Variants in SORBS2 observed in about 807,000 individuals in gnomAD.
The protein encoded by SORBS2 is sorbin and SH3 domain containing 2.
Under a neutral mutation model 97.7 loss-of-function variants are expected in SORBS2, and 46 were observed. That is an observed-to-expected ratio of 0.47 (90% CI 0.37 to 0.60). The LOEUF is 0.60. Ranked by LOEUF, SORBS2 falls within the 20% of genes least tolerant of loss-of-function variation. SORBS2 has a pLI of 0.00. For synonymous variants in SORBS2, 476 were observed against 473.4 expected (o/e 1.01, Z -0.07); for missense variants, 1,316 against 1,282.3 (o/e 1.03, Z -0.40).
intron 2 of SORBS2, among the ~76,000 whole-genome samples, chr4:185,760,694 G>T (rs930948323): frequency 2.0e-5 from 3 of 152,324 alleles, no homozygotes; most frequent in East Asian, 1.9e-4. Context: ...CCACAAAAAA[G>T]CTCGGCTGCC....
Position 185,925,695 on chromosome 4 carries a change from G to A in SORBS2, c.-338+30501C>T, listed in dbSNP as rs191040668. 2.8e-4 allele frequency among the ~76,000 whole-genome samples: 43 copies of A among 152,220 alleles called. No homozygotes were observed. The East Asian group carries it at 7.5e-3, about 27-fold the overall frequency. ...CAACTGTCAGCATCTGCACTGTATC[G>A]GTAGGCATGGGGGAGGTGGCTGGAG... On this transcript the variant is annotated intron_variant, in intron 1 of 20. Coordinates refer to the SORBS2 transcript ENST00000284776.
intron 1 of SORBS2, among the ~76,000 whole-genome samples, chr4:185,850,757 T>C (rs1448999283): frequency 6.6e-6 from 1 of 152,210 alleles, no homozygotes; most frequent in Non-Finnish European, 1.5e-5. Flanking sequence ...CCCAGATAGC[T>C]GGTGAAACGT....
chr4:185,735,478 G>A (rs2098678334), intron 2 of SORBS2, among the ~76,000 whole-genome samples: 1 of 150,738 alleles, frequency 6.6e-6, no homozygotes, highest in South Asian at 2.1e-4. Flanking sequence ...GAAAACAAAG[G>A]GAAAAAAGGG....
At chr4:185,806,480 C>G (rs866038304) in intron 1 of SORBS2, among the ~76,000 whole-genome samples, 1 of 103,428 alleles carries the variant, frequency 9.7e-6, no homozygotes, top group Non-Finnish European at 1.7e-5. Flanking sequence ...TTTTTTGAGA[C>G]GGAGTCTCGC....
chr4:185,886,989 G>A (rs1190102256), intron 1 of SORBS2, among the ~76,000 whole-genome samples: 1 of 152,198 alleles, frequency 6.6e-6, no homozygotes, highest in Non-Finnish European at 1.5e-5. Context: ...TGGCCAAAGA[G>A]GAAGGACCTT....
intron 1 of SORBS2, among the ~76,000 whole-genome samples, chr4:185,883,863 T>C (rs1313902303): frequency 6.6e-6 from 1 of 152,172 alleles, no homozygotes; most frequent in Non-Finnish European, 1.5e-5. Context: ...ATAATTTTTT[T>C]AACTAACAAA....
chr4:185,608,341 C>T (rs1580843860), intron 12 of SORBS2, among the ~76,000 whole-genome samples: 1 of 152,276 alleles, frequency 6.6e-6, no homozygotes, highest in Non-Finnish European at 1.5e-5. Context: ...GCTTACATAA[C>T]TACGGCTTCA....
chr4:185,744,598 G>A (rs1185426809), intron 2 of SORBS2, among the ~76,000 whole-genome samples: 1 of 152,230 alleles, frequency 6.6e-6, no homozygotes, highest in East Asian at 1.9e-4. Flanking sequence ...CAGGCAGGTG[G>A]TGGCACTAAT....
intron 2 of SORBS2, among the ~76,000 whole-genome samples, chr4:185,695,211 T>A (rs2098159631): frequency 6.6e-6 from 1 of 152,152 alleles, no homozygotes; most frequent in Non-Finnish European, 1.5e-5. Context: ...TTATCAGGCA[T>A]CCCATTCTGA....
At position 185,630,432 on chromosome 4, in the gene SORBS2, A is replaced by G. The variant is rs113394992; in HGVS notation, c.446+117T>C. The G allele has an allele frequency of 9.5e-4, 497 of 521,622 alleles. 2 individuals are homozygous for G. The highest frequency in any genetic ancestry group is 7.7e-3 in the African/African-American group (389 of 50,566). The allele number at this position is 521,622 out of a possible 1,614,324, so 32.3% of individuals were successfully genotyped here. A position where few individuals can be genotyped will look rare whatever the true frequency, so the allele number is the denominator to read the frequency against. On this transcript the variant is annotated intron_variant, in intron 5 of 14. Transcript: ENST00000418609. ...ATAAAACAACTTCATGAGGCATGGT[A>G]CTTCAAATAAAAATGAGTGATACAT... is the stretch of plus-strand genomic sequence containing the variant.
At chr4:185,717,037 T>G (rs2098470957) in intron 2 of SORBS2, among the ~76,000 whole-genome samples, 1 of 152,254 alleles carries the variant, frequency 6.6e-6, no homozygotes, top group African/African-American at 2.4e-5. Context: ...TCCATAAAAC[T>G]GTCCGAGCTT....
chr4:185,651,932 G>A (rs747250912), intron 2 of SORBS2, 104 bp from the exon 11 acceptor site: 14 of 697,818 alleles, frequency 2.0e-5, no homozygotes, highest in Admixed American at 2.5e-5. Context: ...GAAAAGCAAC[G>A]TATTTTTCCT....
chr4:185,739,211 T>C (rs2098707378), intron 2 of SORBS2, among the ~76,000 whole-genome samples: 1 of 152,256 alleles, frequency 6.6e-6, no homozygotes, highest in African/African-American at 2.4e-5. Flanking sequence ...CCAGTTAAAA[T>C]GTTAATTACA....
rs1444870755 is a variant in SORBS2, at chr4:185,794,048, C to CA, written c.-337-18683dup. 3.3e-5 allele frequency among the ~76,000 whole-genome samples: 5 copies of CA among 152,012 alleles called. No individual in the cohort carries two copies. The East Asian group carries it at 7.7e-4, about 23-fold the overall frequency. ...AGGCACATACAAAGGGAAAGTCTGT[C>CA]AAAAAGCATTTGTTTTACTTTCTTT... On this transcript the variant is annotated intron_variant, in intron 1 of 20. Transcript: ENST00000284776.
At chr4:185,659,834 A>G (rs2097486588), upstream of SORBS2, among the ~76,000 whole-genome samples, 1 of 152,206 alleles carries the variant, frequency 6.6e-6, no homozygotes, top group South Asian at 2.1e-4. Context: ...TTAGCGACGA[A>G]TGTTTTTTGA....
At chr4:185,754,862 C>T (rs1408779996) in intron 2 of SORBS2, among the ~76,000 whole-genome samples, 6 of 152,198 alleles carry the variant, frequency 3.9e-5, no homozygotes, top group Non-Finnish European at 7.3e-5. Flanking sequence ...TGAGGCAGAC[C>T]TGGAAGGGCA....
chr4:185,925,596 C>T (rs764202397), intron 1 of SORBS2, among the ~76,000 whole-genome samples: 27 of 152,138 alleles, frequency 1.8e-4, no homozygotes, highest in Non-Finnish European at 3.5e-4. Flanking sequence ...TAAAAAGATA[C>T]ATTTTGGAAA....
upstream of SORBS2, among the ~76,000 whole-genome samples, chr4:185,658,907 C>T (rs1205783736): frequency 3.3e-5 from 5 of 151,860 alleles, no homozygotes; most frequent in Non-Finnish European, 7.4e-5. Flanking sequence ...GGGGTTTCAC[C>T]ATGCTAGCTA....
chr4:185,818,211 A>G (rs1352770076), intron 1 of SORBS2, among the ~76,000 whole-genome samples: 3 of 152,164 alleles, frequency 2.0e-5, no homozygotes, highest in Non-Finnish European at 4.4e-5. Context: ...TGTTTTTGAG[A>G]TGGAGTCTCG....
Sources: gnomAD v4.1 joint callset for allele counts (sites outside exome capture counted in the v4.1 genomes callset) on GRCh38, gnomAD v4.1.1 for gene constraint, MANE v1.5 for transcripts, NCBI Gene and HGNC (gene_info 2026-07-23, HGNC 2026-07-21) for gene names.